The following BCAR3 variants were observed in gnomAD, a reference collection of about 807,000 sequenced individuals.
BCAR3 encodes BCAR3 adaptor protein, NSP family member.
BCAR3 carries 37 observed loss-of-function variants against 80.1 expected under a neutral mutation model. The observed-to-expected ratio is 0.46, with a 90% CI of 0.36 to 0.61. The LOEUF is 0.61. Ranked by LOEUF, BCAR3 falls within the 20% of genes least tolerant of loss-of-function variation. The pLI is 0.00. For missense variants in BCAR3, 978 were observed against 1,068.2 expected, an observed-to-expected ratio of 0.92 and a Z score of 1.18; for synonymous variants, 389 against 418.9, an observed-to-expected ratio of 0.93 and a Z score of 0.87.
intron 1 of BCAR3, among the ~76,000 whole-genome samples, chr1:93,677,512 G>A (rs978045651): frequency 1.3e-5 from 2 of 152,160 alleles, no homozygotes; most frequent in Non-Finnish European, 2.9e-5. Flanking sequence ...CTGGAGGGGA[G>A]AGAAAAAGGA....
At chr1:93,737,162 T>C (rs1036011443) in intron 2 of BCAR3, among the ~76,000 whole-genome samples, 5 of 152,168 alleles carry the variant, frequency 3.3e-5, no homozygotes, top group African/African-American at 1.2e-4. Context: ...ATGTATGAAT[T>C]GGAGAGGGGA....
chr1:93,579,950 C>A (rs528420363), intron 7 of BCAR3, among the ~76,000 whole-genome samples: 6 of 152,252 alleles, frequency 3.9e-5, no homozygotes, highest in Non-Finnish European at 7.3e-5. Context: ...GATAACTTCG[C>A]AAATTGCGTG....
intron 2 of BCAR3, among the ~76,000 whole-genome samples, chr1:93,833,089 G>A (rs532217973): frequency 5.9e-5 from 9 of 152,156 alleles, no homozygotes; most frequent in South Asian, 4.1e-4. Flanking sequence ...AGTGTCGGCC[G>A]GTCTGAGAAA....
intron 2 of BCAR3, among the ~76,000 whole-genome samples, chr1:93,671,976 T>C (rs1450541825): frequency 6.6e-6 from 1 of 152,202 alleles, no homozygotes; most frequent in Non-Finnish European, 1.5e-5. Context: ...ATGTGCCTTC[T>C]CACTCAGCAC....
intron 2 of BCAR3, among the ~76,000 whole-genome samples, chr1:93,665,915 C>A (rs937399818): frequency 6.6e-6 from 1 of 152,148 alleles, no homozygotes; most frequent in African/African-American, 2.4e-5. Context: ...CTATACCTCT[C>A]CCCCACCCCA....
At position 93,567,383 on chromosome 1, in the gene BCAR3, T is replaced by G. The variant is rs1672996300; in HGVS notation, c.2195A>C (p.Lys732Thr). The stretch of plus-strand genomic sequence containing the variant: ...CATGATTTCACAGCTCTGGTCGTTT[T>G]TTTCCCACATGTCGGTTCCTTCAAA... ...VTFEGTDMWEKNDQSCEIMLN... is the reference protein window; with the variant it reads ...VTFEGTDMWETNDQSCEIMLN... The change falls in exon 11 of 12, where the codon AAA becomes ACA. Residue 732 changes from lysine (K) to threonine (T), a missense_variant. Transcript: ENST00000260502. The G allele has an allele frequency of 6.2e-7, 1 of 1,614,100 alleles. No homozygotes were observed. The highest frequency in any genetic ancestry group is 8.5e-7 in the Non-Finnish European group (1 of 1,180,050).
intron 3 of BCAR3, among the ~76,000 whole-genome samples, chr1:93,598,323 G>C (rs1674507435): frequency 6.6e-6 from 1 of 152,186 alleles, no homozygotes; most frequent in African/African-American, 2.4e-5. Flanking sequence ...TTCGCATGTA[G>C]GAGACAGCAG....
At chr1:93,701,654 A>T (rs960039688) in intron 3 of BCAR3, among the ~76,000 whole-genome samples, 2 of 152,204 alleles carry the variant, frequency 1.3e-5, no homozygotes, top group Non-Finnish European at 2.9e-5. Flanking sequence ...GGCCTGTTTT[A>T]TGTGGTGGCC....
chr1:93,833,891 G>C (rs749495311), intron 2 of BCAR3, among the ~76,000 whole-genome samples: 11 of 152,154 alleles, frequency 7.2e-5, no homozygotes, highest in Non-Finnish European at 1.6e-4. Context: ...AGAAAGACAG[G>C]CATAGGACAT....
chr1:93,738,282 T>C (rs961198665), intron 2 of BCAR3, among the ~76,000 whole-genome samples: 1 of 152,244 alleles, frequency 6.6e-6, no homozygotes, highest in Non-Finnish European at 1.5e-5. Flanking sequence ...TGACATATCA[T>C]CAAGAAATGT....
chr1:93,779,258 C>G (rs979731194), intron 2 of BCAR3, among the ~76,000 whole-genome samples: 1 of 152,174 alleles, frequency 6.6e-6, no homozygotes, highest in South Asian at 2.1e-4. Context: ...TTCCTGAGGT[C>G]CAATGACTTG....
chr1:93,710,985 G>C (rs1650000561), intron 2 of BCAR3, among the ~76,000 whole-genome samples: 1 of 152,166 alleles, frequency 6.6e-6, no homozygotes, highest in Non-Finnish European at 1.5e-5. Flanking sequence ...TGCCTCTCAG[G>C]CTATGGGTGG....
intron 3 of BCAR3, among the ~76,000 whole-genome samples, chr1:93,702,842 C>CA (rs1291276515): frequency 4.6e-5 from 7 of 152,222 alleles, no homozygotes; most frequent in Admixed American, 1.3e-4. Context: ...CAGAATACTG[C>CA]AATCCCCTTA....
intron 7 of BCAR3, 70 bp from the exon 8 acceptor site, chr1:93,576,199 G>T: frequency 8.6e-7 from 1 of 1,167,768 alleles, no homozygotes; most frequent in Non-Finnish European, 1.3e-6. Flanking sequence ...TTCAGCATAT[G>T]AGAAGAAACA....
chr1:93,728,730 C>G (rs2100680257), intron 2 of BCAR3, among the ~76,000 whole-genome samples: 1 of 152,326 alleles, frequency 6.6e-6, no homozygotes, highest in East Asian at 1.9e-4. Context: ...GCATACTTCC[C>G]TCGACGTCCT....
chr1:93,642,109 C>CTGTA (rs1310911783), intron 3 of BCAR3, among the ~76,000 whole-genome samples, 195 bp downstream of exon 3: 1 of 152,148 alleles, frequency 6.6e-6, no homozygotes, highest in Middle Eastern at 3.2e-3. Context: ...ATAAGGGTAC[C>CTGTA]TGTAATAGGA....
At chr1:93,841,987 A>G (rs1654978727) in intron 2 of BCAR3, among the ~76,000 whole-genome samples, 1 of 152,144 alleles carries the variant, frequency 6.6e-6, no homozygotes, top group Non-Finnish European at 1.5e-5. Context: ...CTTGTACGCA[A>G]GTCAGTCCTA....
At chr1:93,614,019 C>T in intron 3 of BCAR3, 5 of 1,512,580 alleles carry the variant, frequency 3.3e-6, no homozygotes, top group Non-Finnish European at 4.4e-6. Context: ...CCCACCACAG[C>T]AGCTGTGCTG....
At chr1:93,751,355 A>G (rs1243222843) in intron 2 of BCAR3, among the ~76,000 whole-genome samples, 1 of 152,152 alleles carries the variant, frequency 6.6e-6, no homozygotes, top group Non-Finnish European at 1.5e-5. Flanking sequence ...GCCCTCATCT[A>G]TTTGGTTCCC....
Sources: allele counts gnomAD v4.1 joint callset (sites outside exome capture counted in the v4.1 genomes callset), GRCh38; gene constraint gnomAD v4.1.1; transcripts MANE v1.5; gene names NCBI Gene and HGNC (gene_info 2026-07-23, HGNC 2026-07-21).